LRP1B: variants seen among roughly 807,000 people sequenced by gnomAD.
LRP1B encodes low-density lipoprotein receptor-related protein 1B.
LRP1B carries 217 observed loss-of-function variants against 556.6 expected under a neutral mutation model. The ratio of observed to expected loss-of-function variants is 0.39; its 90% CI spans 0.35 to 0.44. The LOEUF (loss-of-function observed/expected upper bound fraction) is 0.44. LRP1B is among the 20% of genes least tolerant of loss of function. The pLI is 1.00. For synonymous variants in LRP1B, 2,047 were observed against 1,865.8 expected, an observed-to-expected ratio of 1.10 and a Z score of -2.50; for missense variants, 5,053 against 5,620.8, an observed-to-expected ratio of 0.90 and a Z score of 3.23.
chr2:140,422,077 A>C (rs1685469978), intron 66 of LRP1B, among the ~76,000 whole-genome samples: 1 of 152,228 alleles, frequency 6.6e-6, no homozygotes, highest in Admixed American at 6.5e-5. Flanking sequence ...ACAAAAAATA[A>C]AATGTTATTT....
intron 3 of LRP1B, among the ~76,000 whole-genome samples, chr2:141,434,983 G>A (rs142762785): frequency 5.8e-4 from 88 of 151,758 alleles, no homozygotes; most frequent in African/African-American, 2.0e-3. Flanking sequence ...CATTGTATAC[G>A]TAGTAGCTTA....
chr2:141,609,415 C>T lies in LRP1B; in HGVS notation c.206-128882G>A, dbSNP rs56238953. On this transcript the variant is annotated intron_variant, in intron 2 of 90. Coordinates refer to ENST00000389484, the MANE Select transcript of LRP1B (RefSeq NM_018557.3). ...AATTATCAGTAACTTTATTTTATTG[C>T]TAACATAATATTTTCATGTTAGTCA... 6.0e-3 allele frequency among the ~76,000 whole-genome samples: 909 copies of T among 152,214 alleles called. 9 individuals are homozygous for T. The highest frequency in any genetic ancestry group is 0.021 in the African/African-American group (854 of 41,512).
intron 43 of LRP1B, among the ~76,000 whole-genome samples, chr2:140,558,717 T>G: frequency 6.6e-6 from 1 of 151,886 alleles, no homozygotes; most frequent in Non-Finnish European, 1.5e-5. Context: ...GGCGAGGGGA[T>G]CACTTGAGCC....
At chr2:140,554,165 G>A (rs1680646169) in intron 43 of LRP1B, among the ~76,000 whole-genome samples, 1 of 152,010 alleles carries the variant, frequency 6.6e-6, no homozygotes, top group African/African-American at 2.4e-5. Flanking sequence ...AAAAATCAAT[G>A]GCTCACCTCT....
intron 18 of LRP1B, among the ~76,000 whole-genome samples, chr2:140,974,413 T>A (rs1416880569): frequency 6.6e-6 from 1 of 152,210 alleles, no homozygotes; most frequent in African/African-American, 2.4e-5. Flanking sequence ...GGGACTGATA[T>A]CCAACTGAAA....
At chr2:140,405,225 G>A (rs1684679497) in intron 66 of LRP1B, among the ~76,000 whole-genome samples, 1 of 152,142 alleles carries the variant, frequency 6.6e-6, no homozygotes, top group Non-Finnish European at 1.5e-5. Context: ...AGTGCAAGGA[G>A]GAAAGTTCAT....
chr2:140,480,782 T>G (rs11886044), intron 59 of LRP1B, among the ~76,000 whole-genome samples: 7,329 of 152,184 alleles, frequency 0.048, 216 homozygotes, highest in African/African-American at 0.052. Flanking sequence ...AGAAAATAAA[T>G]GAAAGTATGT....
rs79373301 is a variant in LRP1B at position 141,492,665 on chromosome 2, G to A, written c.206-12132C>T. On this transcript the variant is annotated intron_variant, in intron 2 of 90. Transcript: ENST00000389484. ...GAGAGGATCAGTTAGAGCACGTATA[G>A]TTAATCGTCTTTCACTGGAAGAATC... is the stretch of plus-strand genomic sequence containing the variant. Among the ~76,000 whole-genome samples, 1,470 of 152,248 alleles carry A rather than the reference G, an allele frequency of 9.7e-3. 14 individuals carry two copies. Among genetic ancestry groups the A allele is most frequent in the Non-Finnish European group, 0.015 (1,026 of 68,014 alleles).
intron 27 of LRP1B, among the ~76,000 whole-genome samples, chr2:140,866,398 C>T (rs1335361867): frequency 6.6e-6 from 1 of 151,868 alleles, no homozygotes; most frequent in Non-Finnish European, 1.5e-5. Context: ...TTATTAAATG[C>T]AAAAATGACT....
chr2:140,384,020 T>C (rs1683651819), intron 67 of LRP1B, among the ~76,000 whole-genome samples: 1 of 152,170 alleles, frequency 6.6e-6, no homozygotes, highest in Admixed American at 6.5e-5. Context: ...TACAATGATA[T>C]TCAGCCGCTT....
chr2:140,821,187 G>C (rs554733404), intron 31 of LRP1B, among the ~76,000 whole-genome samples: 3 of 151,992 alleles, frequency 2.0e-5, no homozygotes, highest in Admixed American at 2.0e-4. Flanking sequence ...ATGGTACCAG[G>C]TTTTGTTTTT....
chr2:140,455,353 T>C (rs1183695127), intron 62 of LRP1B, among the ~76,000 whole-genome samples: 1 of 152,202 alleles, frequency 6.6e-6, no homozygotes, highest in Non-Finnish European at 1.5e-5. Flanking sequence ...TTAATGTAAA[T>C]TTCGGCTGCA....
intron 2 of LRP1B, among the ~76,000 whole-genome samples, chr2:141,779,798 T>A (rs1293698955): frequency 1.3e-5 from 2 of 152,068 alleles, no homozygotes; most frequent in African/African-American, 4.8e-5. Flanking sequence ...AGCTAGTATA[T>A]AAAGATATTT....
intron 1 of LRP1B, among the ~76,000 whole-genome samples, chr2:141,823,047 AT>A (rs1160240530): frequency 2.0e-5 from 3 of 152,154 alleles, no homozygotes; most frequent in Non-Finnish European, 2.9e-5. Context: ...AGTTTTCACC[AT>A]TTTGAAAAAT....
chr2:140,887,395 C>T (rs913815507), intron 23 of LRP1B, among the ~76,000 whole-genome samples: 3 of 152,118 alleles, frequency 2.0e-5, no homozygotes, highest in Non-Finnish European at 4.4e-5. Flanking sequence ...GAGATAGGTT[C>T]AGATATCATT....
intron 2 of LRP1B, among the ~76,000 whole-genome samples, chr2:141,695,380 A>G (rs1299065322): frequency 6.6e-6 from 1 of 152,010 alleles, no homozygotes; most frequent in African/African-American, 2.4e-5. Context: ...GACCTACTTT[A>G]AAAGGGTCAT....
At chr2:140,281,467 G>A (rs1193285308) in intron 84 of LRP1B, among the ~76,000 whole-genome samples, 2 of 151,728 alleles carry the variant, frequency 1.3e-5, no homozygotes, top group African/African-American at 4.8e-5. Flanking sequence ...ACCATATAAG[G>A]ATAATAAGAA....
In LRP1B at chr2:140,851,769, C is replaced by T. The variant is rs1216475243; in HGVS notation, c.4594G>A (p.Ala1532Thr). 1.2e-6 allele frequency: 2 copies of T among 1,604,006 alleles called. No individual in the cohort carries two copies. The highest frequency in any genetic ancestry group is 8.5e-7 in the Non-Finnish European group (1 of 1,177,136). ...SRQPQAPNPC[A>T]ANDGKGPCSH... is the part of the protein sequence containing the mutation. ...CAGGGGCCTTTGCCATCATTAGCTG[C>T]ACAAGGATTGGGAGCTGTAATTACA... is the stretch of plus-strand genomic sequence containing the variant. The change falls in exon 28 of 91, where the codon GCA (alanine) becomes ACA (threonine). Residue 1532 changes from alanine (A) to threonine (T), a missense_variant. Physicochemically the swap from Ala to Thr is moderately conservative, Grantham distance 58. Transcript: ENST00000389484.
At position 140,614,088 on chromosome 2, in the gene LRP1B, T is replaced by G. The variant is rs78747261; in HGVS notation, c.6800-12449A>C. The stretch of plus-strand genomic sequence containing the variant: ...GCCTAATTGCCTTTACCCTGACAAA[T>G]TATTTATATTTTTTTACTTTCCAGA... On this transcript the variant is annotated intron_variant, in intron 41 of 90. Coordinates refer to ENST00000389484, the MANE Select transcript of LRP1B (RefSeq NM_018557.3). Among the ~76,000 whole-genome samples, 607 of 152,074 alleles carry G rather than the reference T, an allele frequency of 4.0e-3. 3 individuals are homozygous for G. The highest frequency in any genetic ancestry group is 0.014 in the African/African-American group (590 of 41,508).
Sources: gnomAD v4.1 joint callset for allele counts (sites outside exome capture counted in the v4.1 genomes callset) on GRCh38, gnomAD v4.1.1 for gene constraint, MANE v1.5 for transcripts, NCBI Gene and HGNC (gene_info 2026-07-23, HGNC 2026-07-21) for gene names.